Variants in COL21A1 observed in about 807,000 individuals in gnomAD.
COL21A1 encodes the protein collagen alpha-1(XXI) chain.
Under a neutral mutation model 137.9 loss-of-function variants are expected in COL21A1, and 149 were observed. The ratio of observed to expected loss-of-function variants is 1.08; its 90% CI spans 0.95 to 1.24. The LOEUF (loss-of-function observed/expected upper bound fraction) is 1.24. COL21A1 is among the 50% of genes most tolerant of loss of function. The pLI is 0.00. For synonymous variants in COL21A1, 456 were observed against 391.5 expected, an observed-to-expected ratio of 1.16 and a Z score of -1.95; for missense variants, 1,167 against 1,158.4, an observed-to-expected ratio of 1.01 and a Z score of -0.11.
intron 17 of COL21A1, among the ~76,000 whole-genome samples, chr6:56,088,289 G>T (rs567360807): frequency 6.6e-6 from 1 of 152,014 alleles, no homozygotes; most frequent in Non-Finnish European, 1.5e-5. Flanking sequence ...GCTTGACCCC[G>T]GGAGGTGGAG....
intron 1 of COL21A1, among the ~76,000 whole-genome samples, chr6:56,205,241 A>G (rs1779684086): frequency 6.6e-6 from 1 of 152,216 alleles, no homozygotes; most frequent in African/African-American, 2.4e-5. Context: ...CCTTGAAAAA[A>G]GGTTAGACAA....
rs557893024 is a variant in COL21A1 at position 56,178,564 on chromosome 6, G to C, written c.640+1014C>G. On this transcript the variant is annotated intron_variant, in intron 3 of 29. Coordinates refer to ENST00000244728, the MANE Select transcript of COL21A1 (RefSeq NM_030820.4). ...TCAAATGTGAAGCCACCCACTTTGG[G>C]AGTTTTTGTAGACAAACTAATATTC... Among the ~76,000 whole-genome samples the C allele has an allele frequency of 1.2e-4, 19 of 152,038 alleles. No homozygotes were observed. The South Asian group carries it at 3.5e-3, about 28-fold the overall frequency.
At chr6:56,296,478 A>G (rs1286742775) in intron 1 of COL21A1, among the ~76,000 whole-genome samples, 1 of 151,996 alleles carries the variant, frequency 6.6e-6, no homozygotes. Flanking sequence ...CCTCATATCT[A>G]TAATGATACG....
chr6:56,301,858 C>CCCT (rs55959311), intron 1 of COL21A1, among the ~76,000 whole-genome samples: 129,842 of 151,434 alleles, frequency 0.86, 57,796 homozygotes, highest in South Asian at 0.99. Flanking sequence ...TATTTCTCCC[C>CCCT]CCCCCAATCC....
At chr6:56,231,842 T>C (rs1307726885) in intron 1 of COL21A1, among the ~76,000 whole-genome samples, 1 of 151,898 alleles carries the variant, frequency 6.6e-6, no homozygotes, top group East Asian at 1.9e-4. Flanking sequence ...TCTCTTTTCA[T>C]AAGTTTTTTG....
At chr6:56,279,652 A>T (rs1238889652) in intron 1 of COL21A1, among the ~76,000 whole-genome samples, 1 of 152,246 alleles carries the variant, frequency 6.6e-6, no homozygotes, top group Non-Finnish European at 1.5e-5. Flanking sequence ...TAAAAGCTGC[A>T]TTCATTTAAT....
chr6:56,331,547 G>T (rs1361207732), intron 1 of COL21A1, among the ~76,000 whole-genome samples: 3 of 117,580 alleles, frequency 2.6e-5, no homozygotes, highest in Non-Finnish European at 5.6e-5. Context: ...CCTTTCCCCA[G>T]TGTATTTTTT....
intron 1 of COL21A1, among the ~76,000 whole-genome samples, chr6:56,219,944 T>C (rs1725351272): frequency 6.6e-6 from 1 of 152,134 alleles, no homozygotes; most frequent in African/African-American, 2.4e-5. Context: ...TCAAGGCACT[T>C]AACTGTATAC....
chr6:56,293,686 G>A (rs1457092478), intron 1 of COL21A1, among the ~76,000 whole-genome samples: 1 of 151,930 alleles, frequency 6.6e-6, no homozygotes, highest in African/African-American at 2.4e-5. Flanking sequence ...ATATCTTATG[G>A]GAATCTTGAT....
intron 1 of COL21A1, among the ~76,000 whole-genome samples, chr6:56,219,183 G>A (rs1429772759): frequency 8.2e-6 from 1 of 122,472 alleles, no homozygotes; most frequent in African/African-American, 3.2e-5. Flanking sequence ...AAGCCCAGAA[G>A]CTCCAAAGCA....
intron 1 of COL21A1, among the ~76,000 whole-genome samples, chr6:56,221,049 T>A (rs12202972): frequency 0.073 from 11,069 of 152,202 alleles, 444 homozygotes; most frequent in Middle Eastern, 0.13. Context: ...AGTGTACTGT[T>A]ATGTATATTA....
intron 6 of COL21A1, 42 bp from the exon 7 acceptor site, chr6:56,167,025 C>A (rs371286065): frequency 6.8e-7 from 1 of 1,465,178 alleles, no homozygotes; most frequent in Non-Finnish European, 9.5e-7. Context: ...GAGGCACAAG[C>A]TAATTGTTTT....
chr6:56,327,844 T>C (rs968083260), intron 1 of COL21A1, among the ~76,000 whole-genome samples: 5 of 152,040 alleles, frequency 3.3e-5, no homozygotes, highest in African/African-American at 1.2e-4. Context: ...TGAAGAATAA[T>C]GAGACAACCA....
At chr6:56,160,157 A>ATTAAT (rs1278271871) in intron 9 of COL21A1, among the ~76,000 whole-genome samples, 1 of 152,240 alleles carries the variant, frequency 6.6e-6, no homozygotes, top group Non-Finnish European at 1.5e-5. Flanking sequence ...TAAAATCCTA[A>ATTAAT]TTAATTTAGC....
chr6:56,129,954 A>AGT (rs369547828), intron 12 of COL21A1, among the ~76,000 whole-genome samples: 20 of 142,648 alleles, frequency 1.4e-4, no homozygotes, highest in East Asian at 1.3e-3. Context: ...ATATATTCAA[A>AGT]GTGTGTGTGT....
At chr6:56,354,706 A>G (rs1765793147) in intron 1 of COL21A1, among the ~76,000 whole-genome samples, 1 of 152,158 alleles carries the variant, frequency 6.6e-6, no homozygotes, top group Non-Finnish European at 1.5e-5. Context: ...ACATGGCAAG[A>G]TCCCGACTCA....
intron 1 of COL21A1, among the ~76,000 whole-genome samples, chr6:56,308,302 A>G (rs1378045968): frequency 6.6e-6 from 1 of 152,226 alleles, no homozygotes; most frequent in Non-Finnish European, 1.5e-5. Flanking sequence ...GGCCCCCATC[A>G]GACATTGAAC....
rs764795907 is a variant in COL21A1, at chr6:56,179,855, C to T, written c.363G>A (p.Gln121=). The change falls in exon 3 of 30, where the codon CAG becomes CAA. Residue 121 remains glutamine, a synonymous_variant. Transcript: ENST00000244728. The part of the protein sequence containing the change: ...GGNTKTGKAI[Q]FALDYLFAKS... ...TGGCAAAAAGGTAATCGAGCGCAAACTGGATGGCCTTCCCTGTCTTTGTGT... is the reference window on the plus strand; with the variant it reads ...TGGCAAAAAGGTAATCGAGCGCAAATTGGATGGCCTTCCCTGTCTTTGTGT... The T allele has an allele frequency of 1.2e-6, 2 of 1,613,846 alleles. No homozygotes were observed. Among genetic ancestry groups the T allele is most frequent in the Admixed American group, 3.3e-5 (2 of 59,976 alleles).
chr6:56,164,688 T>C (rs1245410086), intron 8 of COL21A1, 126 bp downstream of exon 8: 1 of 849,282 alleles, frequency 1.2e-6, no homozygotes, highest in Admixed American at 2.9e-5. Context: ...AAATATTAAA[T>C]ACATTGAAGT....
Sources: gnomAD v4.1 joint callset for allele counts (sites outside exome capture counted in the v4.1 genomes callset) on GRCh38, gnomAD v4.1.1 for gene constraint, MANE v1.5 for transcripts, NCBI Gene and HGNC (gene_info 2026-07-23, HGNC 2026-07-21) for gene names.